The following CFAP70 variants were observed in gnomAD, a reference collection of about 807,000 sequenced individuals.
CFAP70 encodes cilia and flagella associated protein 70.
CFAP70 carries 81 observed loss-of-function variants against 137.6 expected under a neutral mutation model. That is an observed-to-expected ratio of 0.59 (90% CI 0.49 to 0.71). The LOEUF (loss-of-function observed/expected upper bound fraction) is 0.71, where lower values mean the gene tolerates loss of function less well. Ranked by LOEUF, CFAP70 falls within the 30% of genes least tolerant of loss-of-function variation. The pLI, the probability that CFAP70 is intolerant of heterozygous loss-of-function variation, is 0.00. For synonymous variants in CFAP70, 382 were observed against 423.6 expected (o/e 0.90, Z 1.20); for missense variants, 976 against 1,226.7 (o/e 0.80, Z 3.05).
rs915518029 is a variant in CFAP70 at position 73,299,525 on chromosome 10, A to G, written c.1317+80T>C. The G allele has an allele frequency of 6.7e-6, 8 of 1,185,772 alleles. No homozygotes were observed. The Admixed American group carries it at 1.3e-4, about 19-fold the overall frequency. The allele number at this position is 1,185,772 out of a possible 1,614,324, so 73.5% of individuals were successfully genotyped here. On this transcript the variant is annotated intron_variant, in intron 13 of 26. Coordinates refer to ENST00000310715, the Ensembl canonical transcript of CFAP70. ...AGTTTTCACCCCTTCTGGAAGACATATTAAAGAGTCCATGCAATTAACAAG... is the reference window on the plus strand; with the variant it reads ...AGTTTTCACCCCTTCTGGAAGACATGTTAAAGAGTCCATGCAATTAACAAG...
At position 73,297,186 on chromosome 10, in the gene CFAP70, C is replaced by G. The variant is rs370067861; in HGVS notation, c.1513-13G>C. The G allele has an allele frequency of 1.7e-4, 272 of 1,608,662 alleles. No individual in the cohort carries two copies. Among genetic ancestry groups the G allele is most frequent in the Middle Eastern group, 1.5e-3 (9 of 6,034 alleles). On this transcript the variant is annotated splice_polypyrimidine_tract_variant and intron_variant, in intron 14 of 26. Transcript: ENST00000310715. ...TTACCACAGCATGCTGCAAGACACA[C>G]AGATCACCCATCTGATAATACAGTC... is the stretch of plus-strand genomic sequence containing the variant.
At chr10:73,263,645 A>G (rs936747591) in intron 25 of CFAP70, among the ~76,000 whole-genome samples, 3 of 152,234 alleles carry the variant, frequency 2.0e-5, no homozygotes, top group Non-Finnish European at 4.4e-5. Context: ...AGGAAGCACA[A>G]GCTGCTTATC....
intron 25 of CFAP70, among the ~76,000 whole-genome samples, chr10:73,261,715 C>T (rs952077454): frequency 2.0e-5 from 3 of 151,910 alleles, no homozygotes; most frequent in Admixed American, 1.3e-4. Context: ...CCATGCTGTC[C>T]GAGCTGGTCT....
chr10:73,270,207 A>G (rs1386786817), intron 24 of CFAP70, among the ~76,000 whole-genome samples: 1 of 152,070 alleles, frequency 6.6e-6, no homozygotes, highest in Non-Finnish European at 1.5e-5. Flanking sequence ...TTCCCCTAGT[A>G]TCAGTTATTA....
At chr10:73,327,988 C>A (rs2051650346) in intron 8 of CFAP70, among the ~76,000 whole-genome samples, 1 of 152,158 alleles carries the variant, frequency 6.6e-6, no homozygotes, top group South Asian at 2.1e-4. Flanking sequence ...GAAAAAACTA[C>A]TTTAAAGTTG....
intron 3 of CFAP70, among the ~76,000 whole-genome samples, chr10:73,351,065 GTGTGTGTATATATATA>G (rs1171699153): frequency 5.4e-5 from 3 of 55,646 alleles, no homozygotes; most frequent in African/African-American, 2.0e-4. Flanking sequence ...GTGTGTGTGT[GTGTGTGTATATATATA>G]TATATATATA....
At chr10:73,354,098 C>G (rs932957049) in intron 2 of CFAP70, among the ~76,000 whole-genome samples, 1 of 152,174 alleles carries the variant, frequency 6.6e-6, no homozygotes, top group Non-Finnish European at 1.5e-5. Flanking sequence ...CAGCTCACTG[C>G]AAGCTACTGA....
intron 25 of CFAP70, among the ~76,000 whole-genome samples, chr10:73,257,887 T>TTC (rs2044683533): frequency 6.7e-6 from 1 of 149,320 alleles, no homozygotes; most frequent in African/African-American, 2.5e-5. Context: ...TTTTTTTTTT[T>TTC]TTTTTTTTGA....
At chr10:73,258,164 A>C (rs1468288650) in intron 25 of CFAP70, among the ~76,000 whole-genome samples, 2 of 152,214 alleles carry the variant, frequency 1.3e-5, no homozygotes, top group African/African-American at 4.8e-5. Flanking sequence ...TTTACATCCA[A>C]TTACAATTAT....
At chr10:73,360,489 TA>T (rs988673455), upstream of CFAP70, among the ~76,000 whole-genome samples, 21 of 152,326 alleles carry the variant, frequency 1.4e-4, no homozygotes, top group African/African-American at 5.1e-4. Context: ...AACTTTTCTA[TA>T]CATTCGAGAT....
chr10:73,349,102 A>G (rs972958058), intron 3 of CFAP70, among the ~76,000 whole-genome samples: 1 of 152,034 alleles, frequency 6.6e-6, no homozygotes, highest in African/African-American at 2.4e-5. Flanking sequence ...TGATTATATA[A>G]CAAAGCTTCA....
At chr10:73,355,965 C>T (rs541821938) in intron 1 of CFAP70, among the ~76,000 whole-genome samples, 1 of 152,004 alleles carries the variant, frequency 6.6e-6, no homozygotes, top group Non-Finnish European at 1.5e-5. Flanking sequence ...TCTCTGGTAA[C>T]CGTTTTTTTT....
At chr10:73,260,084 G>A (rs2044997462) in intron 25 of CFAP70, among the ~76,000 whole-genome samples, 1 of 151,512 alleles carries the variant, frequency 6.6e-6, no homozygotes, top group African/African-American at 2.4e-5. Context: ...TGGGCACAGA[G>A]GCTCATGCCT....
intron 4 of CFAP70, chr10:73,345,177 C>A (rs752609564): frequency 1.9e-6 from 3 of 1,614,074 alleles, no homozygotes; most frequent in Non-Finnish European, 2.5e-6. Flanking sequence ...CAGTAGATTG[C>A]CCCCTGAGAT....
At chr10:73,296,843 T>C (rs2048580284) in intron 15 of CFAP70, 199 bp downstream of exon 16, 8 of 404,926 alleles carry the variant, frequency 2.0e-5, no homozygotes, top group Admixed American at 8.4e-5. Flanking sequence ...TGAAAGAGCA[T>C]ATCTCCTTGT....
intron 1 of CFAP70, among the ~76,000 whole-genome samples, chr10:73,357,437 G>A (rs1434031106): frequency 6.6e-6 from 1 of 152,212 alleles, no homozygotes; most frequent in East Asian, 1.9e-4. Flanking sequence ...ATTTTAAAAC[G>A]TTCAGAGGCA....
chr10:73,258,954 C>T (rs1022162091), intron 25 of CFAP70, among the ~76,000 whole-genome samples: 3 of 152,206 alleles, frequency 2.0e-5, no homozygotes, highest in Admixed American at 1.3e-4. Context: ...GAAACTTCAT[C>T]AGCAATTCTA....
rs957286957 is a variant in CFAP70 at position 73,356,152 on chromosome 10, G to A, written c.-39-1317C>T. Among the ~76,000 whole-genome samples, 11 of 151,896 alleles carry A rather than the reference G, an allele frequency of 7.2e-5. No homozygotes were observed. In the East Asian group the frequency reaches 1.4e-3, roughly 19 times the overall value. ...CAATACTAAGGGCACAAACAATTTCGATAATAAATTGGATATTTGTTTTTT... is the reference window on the plus strand; with the variant it reads ...CAATACTAAGGGCACAAACAATTTCAATAATAAATTGGATATTTGTTTTTT... On this transcript the variant is annotated intron_variant, in intron 1 of 26. Transcript: ENST00000310715.
chr10:73,307,123 T>C (rs1318555564), intron 12 of CFAP70, among the ~76,000 whole-genome samples: 1 of 152,142 alleles, frequency 6.6e-6, no homozygotes, highest in Admixed American at 6.5e-5. Flanking sequence ...AGTACTGAAA[T>C]TAAGTTTGTA....
Sources: gnomAD v4.1 joint callset for allele counts (sites outside exome capture counted in the v4.1 genomes callset) on GRCh38, gnomAD v4.1.1 for gene constraint, MANE v1.5 for transcripts, NCBI Gene and HGNC (gene_info 2026-07-23, HGNC 2026-07-21) for gene names.